The following DNM3 variants were observed in gnomAD, a reference collection of about 807,000 sequenced individuals.
DNM3 encodes the protein dynamin-3.
A neutral mutation model predicts 101.6 loss-of-function variants in DNM3; 47 were observed. That is an observed-to-expected ratio of 0.46 (90% CI 0.37 to 0.59). The LOEUF is 0.59. Ranked by LOEUF, DNM3 falls within the 20% of genes least tolerant of loss-of-function variation. The pLI, the probability that DNM3 is intolerant of heterozygous loss-of-function variation, is 0.00. For missense variants in DNM3, 849 were observed against 1,085.7 expected (o/e 0.78, Z 3.06); for synonymous variants, 385 against 387.9 (o/e 0.99, Z 0.09).
intron 13 of DNM3, among the ~76,000 whole-genome samples, chr1:172,102,759 C>T (rs997931033): frequency 1.3e-5 from 2 of 152,114 alleles, no homozygotes; most frequent in Non-Finnish European, 2.9e-5. Context: ...TCTCTCCCTC[C>T]CTGCTTCCCT....
chr1:172,126,008 T>C (rs1217130345), intron 13 of DNM3, among the ~76,000 whole-genome samples: 9 of 152,212 alleles, frequency 5.9e-5, no homozygotes, highest in Admixed American at 5.9e-4. Context: ...GTCTTACTCC[T>C]TGTGGTCTGA....
Position 172,412,378 on chromosome 1 carries a change from G to C in DNM3, c.*4537G>C, listed in dbSNP as rs2071258856. ...ATTCCACCAGTACTACTTGATTTGT[G>C]TTATATTTCCTATGTACATGTACAG... On this transcript the variant is annotated 3_prime_UTR_variant, in exon 21 of 21. Transcript: ENST00000627582. 1 of 985,630 alleles carries C rather than the reference G, an allele frequency of 1.0e-6. No homozygotes were observed. Among genetic ancestry groups the C allele is most frequent in the Non-Finnish European group, 1.2e-6 (1 of 829,884 alleles). The allele number at this position is 985,630 out of a possible 1,614,324, so 61.1% of individuals were successfully genotyped here. A position where few individuals can be genotyped will look rare whatever the true frequency, so the allele number is the denominator to read the frequency against.
At chr1:172,359,272 T>G (rs1245041922) in intron 17 of DNM3, among the ~76,000 whole-genome samples, 1 of 152,008 alleles carries the variant, frequency 6.6e-6, no homozygotes, top group African/African-American at 2.4e-5. Flanking sequence ...AAGCATGGTC[T>G]GTCTGAATTG....
chr1:171,858,789 A>G (rs2033876644), intron 1 of DNM3, among the ~76,000 whole-genome samples: 2 of 152,116 alleles, frequency 1.3e-5, no homozygotes, highest in Non-Finnish European at 2.9e-5. Flanking sequence ...CCATCAGTAC[A>G]CTGAAACCGC....
chr1:172,375,688 T>G (rs559041077), intron 17 of DNM3, among the ~76,000 whole-genome samples: 2 of 152,018 alleles, frequency 1.3e-5, no homozygotes, highest in Non-Finnish European at 2.9e-5. Context: ...TTATTTCTGA[T>G]TCAACACTTT....
intron 1 of DNM3, among the ~76,000 whole-genome samples, chr1:171,876,066 CG>C (rs1331895436): frequency 6.6e-6 from 1 of 152,010 alleles, no homozygotes; most frequent in Non-Finnish European, 1.5e-5. Context: ...CCCTCGGCCT[CG>C]CAAAGTCCTG....
intron 13 of DNM3, among the ~76,000 whole-genome samples, chr1:172,124,634 A>G (rs983885507): frequency 6.6e-6 from 1 of 152,052 alleles, no homozygotes; most frequent in Non-Finnish European, 1.5e-5. Context: ...GGTGGGAGAG[A>G]CCCTTAAGTC....
chr1:172,187,091 C>T (rs1187067327), intron 14 of DNM3, among the ~76,000 whole-genome samples: 1 of 152,102 alleles, frequency 6.6e-6, no homozygotes, highest in Non-Finnish European at 1.5e-5. Context: ...GGGAACCTCA[C>T]AACTTTATGT....
intron 17 of DNM3, among the ~76,000 whole-genome samples, chr1:172,349,095 A>C (rs1253510333): frequency 1.3e-5 from 2 of 152,150 alleles, no homozygotes; most frequent in East Asian, 1.9e-4. Flanking sequence ...CAGGAATATT[A>C]GTTTTTCCTT....
intron 17 of DNM3, among the ~76,000 whole-genome samples, chr1:172,350,340 GTGTGTT>G (rs1166212370): frequency 2.2e-5 from 3 of 137,634 alleles, no homozygotes; most frequent in South Asian, 2.3e-4. Context: ...GTGTGTGTGT[GTGTGTT>G]TGTGTGTCTT....
intron 17 of DNM3, among the ~76,000 whole-genome samples, chr1:172,375,843 T>A (rs1337659220): frequency 7.1e-6 from 1 of 141,210 alleles, no homozygotes; most frequent in Admixed American, 7.1e-5. Flanking sequence ...ACCCCATCTC[T>A]AAAAAAAAAA....
chr1:172,160,473 A>C (rs1176431484), intron 14 of DNM3, among the ~76,000 whole-genome samples: 1 of 151,928 alleles, frequency 6.6e-6, no homozygotes, highest in Non-Finnish European at 1.5e-5. Context: ...AAACATATAG[A>C]CACAAACACA....
At chr1:172,268,990 C>A (rs2062978075) in intron 15 of DNM3, among the ~76,000 whole-genome samples, 1 of 152,138 alleles carries the variant, frequency 6.6e-6, no homozygotes, top group African/African-American at 2.4e-5. Context: ...TTTCAGGAGC[C>A]TTTGCGTATT....
At chr1:172,234,342 A>G (rs1426899449) in intron 14 of DNM3, among the ~76,000 whole-genome samples, 1 of 152,156 alleles carries the variant, frequency 6.6e-6, no homozygotes, top group Non-Finnish European at 1.5e-5. Context: ...GATGTGAAGG[A>G]CGTCTTCAAG....
intron 1 of DNM3, among the ~76,000 whole-genome samples, chr1:171,854,148 A>G (rs2033313856): frequency 6.6e-6 from 1 of 152,224 alleles, no homozygotes; most frequent in South Asian, 2.1e-4. Flanking sequence ...CATAGAGTGT[A>G]GTCAGAACTT....
chr1:171,921,713 T>C (rs1469123554), intron 1 of DNM3, 35 bp from the exon 2 acceptor site: 1 of 1,535,516 alleles, frequency 6.5e-7, no homozygotes, highest in Non-Finnish European at 8.8e-7. Context: ...TAAGAATTCC[T>C]TCATGCCTTA....
intron 2 of DNM3, among the ~76,000 whole-genome samples, chr1:171,950,388 A>G (rs1237370780): frequency 6.6e-6 from 1 of 152,152 alleles, no homozygotes; most frequent in African/African-American, 2.4e-5. Flanking sequence ...TCAGTCAACC[A>G]TGAGATCATG....
chr1:172,348,936 A>G (rs899898661), intron 17 of DNM3, among the ~76,000 whole-genome samples: 78 of 152,158 alleles, frequency 5.1e-4, no homozygotes, highest in African/African-American at 1.8e-3. Flanking sequence ...AGCCAGTCCC[A>G]CCTGACCCAT....
chr1:172,208,868 G>A (rs184260230), intron 14 of DNM3, among the ~76,000 whole-genome samples: 89 of 152,008 alleles, frequency 5.9e-4, no homozygotes, highest in Middle Eastern at 3.4e-3. Flanking sequence ...TATTTCTGTA[G>A]AAGTATTCAG....
Sources: gnomAD v4.1 joint callset for allele counts (sites outside exome capture counted in the v4.1 genomes callset) on GRCh38, gnomAD v4.1.1 for gene constraint, MANE v1.5 for transcripts, NCBI Gene and HGNC (gene_info 2026-07-23, HGNC 2026-07-21) for gene names.